SRSF11: variants seen among roughly 807,000 people sequenced by gnomAD.
SRSF11 encodes the protein serine and arginine rich splicing factor 11.
In SRSF11, 9 loss-of-function variants were observed where a neutral mutation model predicts 56.0. The observed-to-expected ratio is 0.16, with a 90% CI of 0.10 to 0.28. SRSF11 has a LOEUF of 0.28. SRSF11 is among the 10% of genes least tolerant of loss of function. SRSF11 has a pLI of 1.00. For synonymous variants in SRSF11, 222 were observed against 215.3 expected, an observed-to-expected ratio of 1.03 and a Z score of -0.27; for missense variants, 421 against 600.7, an observed-to-expected ratio of 0.70 and a Z score of 3.13.
intron 5 of SRSF11, among the ~76,000 whole-genome samples, chr1:70,236,618 C>T (rs886213069): frequency 2.0e-5 from 3 of 151,858 alleles, no homozygotes; most frequent in African/African-American, 7.3e-5. Flanking sequence ...GCATGAGCCA[C>T]CATGCCCGGC....
chr1:70,249,335 T>G (rs1174791248), intron 9 of SRSF11: 1 of 152,258 alleles, frequency 6.6e-6, no homozygotes, highest in East Asian at 1.9e-4. Context: ...AAAAACTAAC[T>G]TCTTCAGTAA....
At chr1:70,218,265 G>C (rs1440270190), upstream of SRSF11, among the ~76,000 whole-genome samples, 4 of 152,324 alleles carry the variant, frequency 2.6e-5, no homozygotes, top group East Asian at 5.8e-4. Context: ...ACTGTACCTG[G>C]CCAACAGGGC....
chr1:70,228,977 C>G, intron 2 of SRSF11: 1 of 983,044 alleles, frequency 1.0e-6, no homozygotes. Context: ...TTTCTTAAAG[C>G]TTCCTCACAT....
At chr1:70,215,508 G>T (rs183024822) in intron 1 of SRSF11, among the ~76,000 whole-genome samples, 1 of 152,274 alleles carries the variant, frequency 6.6e-6, no homozygotes, top group Non-Finnish European at 1.5e-5. Context: ...ACTTGTTCCA[G>T]TATGATATTG....
rs1195206210 is a variant in SRSF11 at position 70,251,543 on chromosome 1, G to C, written c.*738G>C. On this transcript the variant is annotated 3_prime_UTR_variant, in exon 12 of 12. Transcript: ENST00000370949. ...TAAGATGTTTGGGAATTTTTTTCCT[G>C]AAGTAATAATTTATTCCACATCTAC... 6.6e-6 allele frequency: 1 copy of C among 152,352 alleles called. No homozygotes were observed. The highest frequency in any genetic ancestry group is 1.9e-4 in the East Asian group (1 of 5,192). 9.4% of individuals were successfully genotyped at this position (152,352 alleles called of 1,614,324 possible).
At chr1:70,213,933 TTAATG>T (rs1669783544) in intron 1 of SRSF11, among the ~76,000 whole-genome samples, 1 of 152,210 alleles carries the variant, frequency 6.6e-6, no homozygotes, top group Admixed American at 6.5e-5. Context: ...AAGCATTCAA[TTAATG>T]TAATTCAGTC....
chr1:70,236,821 T>TG (rs1674185789), intron 5 of SRSF11, among the ~76,000 whole-genome samples: 1 of 144,402 alleles, frequency 6.9e-6, no homozygotes, highest in African/African-American at 2.6e-5. Context: ...TTTTTTTTTT[T>TG]GAGACGAAAT....
At chr1:70,234,857 G>T (rs1177058779) in intron 4 of SRSF11, 69 bp downstream of exon 4, 1 of 1,321,444 alleles carries the variant, frequency 7.6e-7, no homozygotes, top group Non-Finnish European at 1.0e-6. Flanking sequence ...CTGTTGGTTT[G>T]CATTTCAAGA....
rs1160524112 is a variant in SRSF11, at chr1:70,221,506, G to GGCAGCA, written c.-129_-124dup. The GGCAGCA allele has an allele frequency of 3.9e-6, 5 of 1,287,802 alleles. No individual in the cohort carries two copies. The highest frequency in any genetic ancestry group is 5.3e-6 in the Non-Finnish European group (5 of 951,352). 79.8% of individuals were successfully genotyped at this position (1,287,802 alleles called of 1,614,324 possible). ...AAACGGCGGCGGCGGCGGCGGCATC[G>GGCAGCA]GCAGCAGTAGCAGAGGCTGTAGCAT... On this transcript the variant is annotated 5_prime_UTR_variant, in exon 1 of 12. Coordinates refer to ENST00000370949, the MANE Select transcript of SRSF11 (RefSeq NM_001350605.2).
At chr1:70,231,592 C>T in intron 2 of SRSF11, 6 of 1,127,534 alleles carry the variant, frequency 5.3e-6, no homozygotes, top group Non-Finnish European at 6.6e-6. Context: ...TGTTGTTTTA[C>T]CTATCTCTCT....
At chr1:70,210,581 G>A (rs1403694273) in intron 1 of SRSF11, among the ~76,000 whole-genome samples, 2 of 152,144 alleles carry the variant, frequency 1.3e-5, no homozygotes, top group South Asian at 2.1e-4. Context: ...GGTGTGGTGT[G>A]GCATGCACCT....
chr1:70,224,063 A>G (rs996109077), intron 1 of SRSF11, among the ~76,000 whole-genome samples: 1 of 152,196 alleles, frequency 6.6e-6, no homozygotes, highest in Non-Finnish European at 1.5e-5. Context: ...GCAACTATTT[A>G]CATTGTATTA....
At position 70,229,619 on chromosome 1, in the gene SRSF11, A is replaced by C; in HGVS notation, c.337+1064A>C. ...ATTTAATATGCTGACCAGGATTTAA[A>C]TGCTTTCCCCTTTCCTTAATAAACT... On this transcript the variant is annotated intron_variant, in intron 2 of 11. Coordinates refer to ENST00000370949, the MANE Select transcript of SRSF11 (RefSeq NM_001350605.2). 3 of 983,940 alleles carry C rather than the reference A, an allele frequency of 3.0e-6. No individual in the cohort carries two copies. In the South Asian group the frequency reaches 1.4e-4, roughly 46 times the overall value. The allele number at this position is 983,940 out of a possible 1,614,324, so 61.0% of individuals were successfully genotyped here. A position where few individuals can be genotyped will look rare whatever the true frequency, so the allele number is the denominator to read the frequency against.
intron 2 of SRSF11, 37 bp downstream of exon 2, chr1:70,228,592 A>G (rs1007862674): frequency 1.9e-6 from 3 of 1,597,112 alleles, no homozygotes; most frequent in African/African-American, 1.3e-5. Flanking sequence ...TGGGCATCCT[A>G]AGATGACCAT....
chr1:70,226,437 A>G (rs1339315458), intron 1 of SRSF11, among the ~76,000 whole-genome samples: 2 of 152,182 alleles, frequency 1.3e-5, no homozygotes, highest in Non-Finnish European at 2.9e-5. Flanking sequence ...AAAAAATATG[A>G]GTCACTTTAA....
chr1:70,221,251 A>G (rs1571627485), upstream of SRSF11: 2 of 221,772 alleles, frequency 9.0e-6, no homozygotes, highest in Non-Finnish European at 1.8e-5. Context: ...GAAGGTGGAT[A>G]ACACCTTTCT....
At chr1:70,242,938 A>C (rs1255124560) in intron 7 of SRSF11, among the ~76,000 whole-genome samples, 1 of 152,160 alleles carries the variant, frequency 6.6e-6, no homozygotes, top group Non-Finnish European at 1.5e-5. Flanking sequence ...TAGGGTAGTT[A>C]AGTAGATAAA....
chr1:70,218,912 AAAT>A (rs1359686448), upstream of SRSF11: 1 of 152,230 alleles, frequency 6.6e-6, no homozygotes, highest in Non-Finnish European at 1.5e-5. Context: ...AAAAAATAAA[AAAT>A]AATGACATTA....
intron 8 of SRSF11, among the ~76,000 whole-genome samples, chr1:70,245,411 A>C (rs1571921549): frequency 6.6e-6 from 1 of 152,354 alleles, no homozygotes; most frequent in East Asian, 1.9e-4. Context: ...GAGTGGGGGT[A>C]GCTTTACTAT....
Sources: gnomAD v4.1 joint callset for allele counts (sites outside exome capture counted in the v4.1 genomes callset) on GRCh38, gnomAD v4.1.1 for gene constraint, MANE v1.5 for transcripts, NCBI Gene and HGNC (gene_info 2026-07-23, HGNC 2026-07-21) for gene names.